Variants in EYS observed in about 807,000 individuals in gnomAD.
EYS encodes EGF-like photoreceptor maintenance factor, also known as protein eyes shut homolog.
A neutral mutation model predicts 282.1 loss-of-function variants in EYS; 250 were observed. The observed-to-expected ratio is 0.89, with a 90% CI of 0.80 to 0.98. EYS has a LOEUF of 0.98. Among genes scored for constraint, EYS ranks in the 50% least tolerant of loss-of-function variants. The probability of loss-of-function intolerance (pLI) is 0.00; values close to 1 mark genes in which losing one functional copy is unlikely to be tolerated. For missense variants in EYS, 4,016 were observed against 3,709.0 expected, an observed-to-expected ratio of 1.08 and a Z score of -2.15; for synonymous variants, 1,355 against 1,282.9, an observed-to-expected ratio of 1.06 and a Z score of -1.20.
chr6:64,140,845 T>C (rs1374249465), intron 31 of EYS, among the ~76,000 whole-genome samples: 1 of 152,150 alleles, frequency 6.6e-6, no homozygotes, highest in Admixed American at 6.5e-5. Context: ...CAGTCCTAAA[T>C]ACTCCTTCAT....
chr6:65,111,227 GA>G (rs1775204585), intron 12 of EYS, among the ~76,000 whole-genome samples: 1 of 151,900 alleles, frequency 6.6e-6, no homozygotes, highest in African/African-American at 2.4e-5. Context: ...CATTTAGGAA[GA>G]ATATGTAGAC....
In EYS at chr6:64,749,181, T is replaced by C. The variant is rs1025297002; in HGVS notation, c.3443+64197A>G. ...GTATACAAGAGATTTTATGGGCAAG[T>C]ATATTAAACCCTAGTTCTTATCAAA... On this transcript the variant is annotated intron_variant, in intron 22 of 42. Coordinates refer to ENST00000503581, the MANE Select transcript of EYS (RefSeq NM_001142800.2). Among the ~76,000 whole-genome samples, 4 of 152,336 alleles carry C rather than the reference T, an allele frequency of 2.6e-5. No individual in the cohort carries two copies. In the East Asian group the frequency reaches 7.7e-4, roughly 29 times the overall value.
intron 36 of EYS, among the ~76,000 whole-genome samples, chr6:63,840,855 G>T (rs1444439391): frequency 6.6e-6 from 1 of 152,094 alleles, no homozygotes; most frequent in East Asian, 1.9e-4. Flanking sequence ...TTAAATATAT[G>T]AATTTATTTC....
intron 2 of EYS, among the ~76,000 whole-genome samples, chr6:65,550,342 T>TTTTATTTATTTATTTA (rs1582445247): frequency 1.0e-3 from 32 of 31,372 alleles, no homozygotes; most frequent in Admixed American, 2.0e-3. Flanking sequence ...TTTATTTATT[T>TTTTATTTATTTATTTA]TTTTTTTTAT....
At chr6:64,178,339 G>A (rs1271990002) in intron 31 of EYS, among the ~76,000 whole-genome samples, 1 of 152,002 alleles carries the variant, frequency 6.6e-6, no homozygotes, top group African/African-American at 2.4e-5. Context: ...ACTGTACCAG[G>A]CCCTTTCCTT....
intron 26 of EYS, among the ~76,000 whole-genome samples, chr6:64,498,625 C>T (rs79489751): frequency 0.052 from 7,852 of 150,306 alleles, 683 homozygotes; most frequent in African/African-American, 0.18. Context: ...CCTCCCCTTT[C>T]CCCCCACCCA....
intron 13 of EYS, among the ~76,000 whole-genome samples, chr6:65,051,793 A>G (rs1349262417): frequency 1.3e-5 from 2 of 151,544 alleles, no homozygotes; most frequent in Non-Finnish European, 3.0e-5. Flanking sequence ...ATAAAGTCAT[A>G]GAATCAGAGA....
chr6:64,160,991 A>G (rs1316556724), intron 31 of EYS, among the ~76,000 whole-genome samples: 1 of 152,240 alleles, frequency 6.6e-6, no homozygotes, highest in Non-Finnish European at 1.5e-5. Flanking sequence ...GCCTCAGAGA[A>G]TATCATTATA....
intron 12 of EYS, among the ~76,000 whole-genome samples, chr6:65,088,491 G>A (rs1291866797): frequency 6.6e-6 from 1 of 152,168 alleles, no homozygotes. Flanking sequence ...ATGGCATTTT[G>A]CCCCTGCCCT....
At chr6:64,608,238 G>T (rs906560937) in intron 24 of EYS, among the ~76,000 whole-genome samples, 1 of 152,020 alleles carries the variant, frequency 6.6e-6, no homozygotes, top group Non-Finnish European at 1.5e-5. Context: ...CTACTATGTT[G>T]TATCTGCCTG....
At chr6:65,234,686 T>C (rs1171229061) in intron 12 of EYS, among the ~76,000 whole-genome samples, 1 of 152,142 alleles carries the variant, frequency 6.6e-6, no homozygotes, top group East Asian at 1.9e-4. Context: ...ATGTAACAGA[T>C]AGATATTAAA....
At chr6:65,583,466 G>T in intron 2 of EYS, among the ~76,000 whole-genome samples, 1 of 151,920 alleles carries the variant, frequency 6.6e-6, no homozygotes, top group East Asian at 1.9e-4. Flanking sequence ...AAACAAAATG[G>T]CAAGTCCGAG....
intron 26 of EYS, among the ~76,000 whole-genome samples, chr6:64,533,441 G>GA (rs1435573286): frequency 2.0e-5 from 3 of 151,824 alleles, no homozygotes; most frequent in African/African-American, 4.8e-5. Context: ...AAGAAAACCA[G>GA]AAAAAATAAA....
At chr6:65,182,437 T>C (rs1345700423) in intron 12 of EYS, among the ~76,000 whole-genome samples, 2 of 151,598 alleles carry the variant, frequency 1.3e-5, no homozygotes, top group African/African-American at 4.8e-5. Flanking sequence ...ATATTTTTCT[T>C]AATGGTTCTT....
intron 12 of EYS, among the ~76,000 whole-genome samples, chr6:65,266,214 T>C (rs1249988774): frequency 1.3e-5 from 2 of 151,912 alleles, no homozygotes; most frequent in Non-Finnish European, 2.9e-5. Flanking sequence ...TTACTATTCA[T>C]TCTAGTTATT....
intron 31 of EYS, among the ~76,000 whole-genome samples, chr6:64,102,850 TC>T (rs1772878181): frequency 6.6e-6 from 1 of 152,186 alleles, no homozygotes; most frequent in South Asian, 2.1e-4. Flanking sequence ...TTAATGATGT[TC>T]TTTTTTTAGC....
At chr6:64,492,385 A>G (rs1776765589) in intron 26 of EYS, among the ~76,000 whole-genome samples, 1 of 151,196 alleles carries the variant, frequency 6.6e-6, no homozygotes, top group Non-Finnish European at 1.5e-5. Context: ...AAACTATGCT[A>G]GGCAATTTTG....
rs116262915 is a variant in EYS at position 63,902,833 on chromosome 6, A to G, written c.7056-38475T>C. 4.4e-3 allele frequency among the ~76,000 whole-genome samples: 665 copies of G among 151,946 alleles called. 4 individuals carry two copies. The highest frequency in any genetic ancestry group is 0.015 in the African/African-American group (636 of 41,216). On this transcript the variant is annotated intron_variant, in intron 35 of 42. Coordinates refer to ENST00000503581, the MANE Select transcript of EYS (RefSeq NM_001142800.2). ...AGCAAGAGTTTACTGAAAGAGGGGC[A>G]TGGGCGGTAACAGTATATGAATAAA...
chr6:65,037,365 T>A (rs1772801397), intron 13 of EYS, among the ~76,000 whole-genome samples: 1 of 151,704 alleles, frequency 6.6e-6, no homozygotes, highest in African/African-American at 2.4e-5. Flanking sequence ...GGTACTAAGC[T>A]TATTGCCTCA....
Sources: allele counts gnomAD v4.1 joint callset (sites outside exome capture counted in the v4.1 genomes callset), GRCh38; gene constraint gnomAD v4.1.1; transcripts MANE v1.5; gene names NCBI Gene and HGNC (gene_info 2026-07-23, HGNC 2026-07-21).